CCSER1: variants seen among roughly 807,000 people sequenced by gnomAD.
CCSER1 encodes serine-rich coiled-coil domain-containing protein 1.
Under a neutral mutation model 82.0 loss-of-function variants are expected in CCSER1, and 41 were observed. The ratio of observed to expected loss-of-function variants is 0.50; its 90% CI spans 0.39 to 0.65. The LOEUF (loss-of-function observed/expected upper bound fraction) is 0.65, where lower values mean the gene tolerates loss of function less well. Ranked by LOEUF, CCSER1 falls within the 30% of genes least tolerant of loss-of-function variation. CCSER1 has a pLI of 0.00. For missense variants in CCSER1, 1,119 were observed against 1,064.2 expected (o/e 1.05, Z -0.72); for synonymous variants, 414 against 383.9 (o/e 1.08, Z -0.92).
intron 9 of CCSER1, among the ~76,000 whole-genome samples, chr4:91,009,916 A>G (rs1738865050): frequency 6.6e-6 from 1 of 152,190 alleles, no homozygotes; most frequent in Non-Finnish European, 1.5e-5. Context: ...TACTAAAGAT[A>G]TATATACTAT....
rs563697539 is a variant in CCSER1, at chr4:90,511,065, G to T, written c.1724+42711G>T. Among the ~76,000 whole-genome samples, 13 of 152,314 alleles carry T rather than the reference G, an allele frequency of 8.5e-5. No individual in the cohort carries two copies. In the East Asian group the frequency reaches 2.3e-3, roughly 27 times the overall value. ...AATTGGAAACTGTTAGCAGGAAAGTGTTTCTACCACAAGGGAGTAATCAAC... is the reference window on the plus strand; with the variant it reads ...AATTGGAAACTGTTAGCAGGAAAGTTTTTCTACCACAAGGGAGTAATCAAC... On this transcript the variant is annotated intron_variant, in intron 5 of 10. Transcript: ENST00000509176.
At chr4:91,428,784 T>C (rs1754131098) in intron 10 of CCSER1, among the ~76,000 whole-genome samples, 1 of 152,086 alleles carries the variant, frequency 6.6e-6, no homozygotes, top group Non-Finnish European at 1.5e-5. Flanking sequence ...TTTTGATACA[T>C]TATTGCATTT....
At chr4:90,232,436 C>G (rs1744790614) in intron 1 of CCSER1, among the ~76,000 whole-genome samples, 1 of 152,114 alleles carries the variant, frequency 6.6e-6, no homozygotes, top group Non-Finnish European at 1.5e-5. Flanking sequence ...AAAGCTGAAA[C>G]TGGATCCCTT....
At chr4:91,356,063 C>A (rs889903221) in intron 10 of CCSER1, among the ~76,000 whole-genome samples, 1 of 152,206 alleles carries the variant, frequency 6.6e-6, no homozygotes, top group Non-Finnish European at 1.5e-5. Context: ...TTAGGTTTTG[C>A]CCAAGAGTTA....
intron 1 of CCSER1, among the ~76,000 whole-genome samples, chr4:90,239,219 CT>C (rs1011439477): frequency 1.8e-4 from 28 of 152,176 alleles, no homozygotes; most frequent in African/African-American, 6.7e-4. Flanking sequence ...CACACTTGGA[CT>C]TTAATTAGGA....
chr4:91,350,365 C>CCTG lies in CCSER1; in HGVS notation c.2218-248204_2218-248202dup, dbSNP rs1748391986. ...TTGGTTATTATACTTACCTTAAAAACCTGCTTTTTGGCAAAAATAGAGCTC... is the reference window on the plus strand; with the variant it reads ...TTGGTTATTATACTTACCTTAAAAACCTGCTGCTTTTTGGCAAAAATAGAGCTC... On this transcript the variant is annotated intron_variant, in intron 10 of 10. Coordinates refer to ENST00000509176, the MANE Select transcript of CCSER1 (RefSeq NM_001145065.2). 2.6e-5 allele frequency among the ~76,000 whole-genome samples: 4 copies of CCTG among 152,092 alleles called. No individual in the cohort carries two copies. The South Asian group carries it at 8.3e-4, about 32-fold the overall frequency.
chr4:91,103,361 A>G (rs984613263), intron 10 of CCSER1, among the ~76,000 whole-genome samples: 4 of 152,144 alleles, frequency 2.6e-5, no homozygotes, highest in African/African-American at 9.7e-5. Flanking sequence ...CTTCCCAGTG[A>G]TCACCACATC....
chr4:90,547,270 T>G (rs1245290178), intron 5 of CCSER1, among the ~76,000 whole-genome samples: 1 of 152,024 alleles, frequency 6.6e-6, no homozygotes, highest in Non-Finnish European at 1.5e-5. Context: ...AGAATAGTTG[T>G]GTATTTTATA....
At chr4:91,382,063 G>A (rs181302630) in intron 10 of CCSER1, among the ~76,000 whole-genome samples, 15 of 152,248 alleles carry the variant, frequency 9.9e-5, no homozygotes, top group African/African-American at 2.4e-4. Context: ...GGAGGCTGCC[G>A]AACAGTGGAT....
intron 10 of CCSER1, among the ~76,000 whole-genome samples, chr4:91,189,042 G>A (rs1734797166): frequency 6.6e-6 from 1 of 152,040 alleles, no homozygotes; most frequent in Non-Finnish European, 1.5e-5. Context: ...CTAGGTCTCT[G>A]CAAACCTCCC....
chr4:90,308,667 C>G lies in CCSER1; in HGVS notation c.383C>G (p.Thr128Arg). 1 of 1,613,572 alleles carries G rather than the reference C, an allele frequency of 6.2e-7. No homozygotes were observed. Among genetic ancestry groups the G allele is most frequent in the Non-Finnish European group, 8.5e-7 (1 of 1,179,778 alleles). Residue 128 changes from threonine to arginine, a missense_variant, in exon 2 of 11, where the codon ACA becomes AGA. Transcript: ENST00000509176. ...AGTAGTTCACGAAATAAGAAGATAA[C>G]AAGATCTTTGACAGAGGATTTTGAA... The part of the protein sequence containing the change: ...GFSSSRNKKI[T>R]RSLTEDFERE...
intron 5 of CCSER1, among the ~76,000 whole-genome samples, chr4:90,498,286 C>A (rs972463133): frequency 2.6e-5 from 4 of 151,946 alleles, no homozygotes; most frequent in Admixed American, 2.6e-4. Context: ...TGAATATAGT[C>A]TCTCCCTCTC....
intron 6 of CCSER1, among the ~76,000 whole-genome samples, chr4:90,700,375 A>G (rs1326698605): frequency 1.3e-5 from 2 of 152,084 alleles, no homozygotes; most frequent in African/African-American, 4.8e-5. Context: ...CATTTTCTTA[A>G]TTCAGTCTAT....
chr4:90,894,234 A>C (rs1346964330), intron 8 of CCSER1, among the ~76,000 whole-genome samples: 1 of 152,080 alleles, frequency 6.6e-6, no homozygotes, highest in Non-Finnish European at 1.5e-5. Flanking sequence ...AATACAATTG[A>C]ATACTGCTAG....
intron 4 of CCSER1, among the ~76,000 whole-genome samples, chr4:90,412,341 G>C (rs1477370121): frequency 6.7e-6 from 1 of 149,822 alleles, no homozygotes; most frequent in Non-Finnish European, 1.5e-5. Context: ...GGGAGGGATA[G>C]CATAGGGAGA....
intron 10 of CCSER1, among the ~76,000 whole-genome samples, chr4:91,100,700 C>G (rs1337489978): frequency 6.6e-6 from 1 of 152,090 alleles, no homozygotes; most frequent in Non-Finnish European, 1.5e-5. Context: ...GAAGGCAGTG[C>G]TTAAGGACTA....
chr4:91,322,220 T>G (rs1746245274), intron 10 of CCSER1, among the ~76,000 whole-genome samples: 1 of 152,132 alleles, frequency 6.6e-6, no homozygotes, highest in Non-Finnish European at 1.5e-5. Context: ...ATAAATATTT[T>G]TATATTCTTT....
At chr4:90,860,204 C>T (rs1764914321) in intron 8 of CCSER1, among the ~76,000 whole-genome samples, 2 of 151,632 alleles carry the variant, frequency 1.3e-5, no homozygotes, top group South Asian at 4.1e-4. Context: ...TTTGAATAGA[C>T]ATTTCTCACT....
chr4:90,668,852 CT>C (rs1732276237), intron 6 of CCSER1, among the ~76,000 whole-genome samples: 1 of 152,012 alleles, frequency 6.6e-6, no homozygotes, highest in Non-Finnish European at 1.5e-5. Context: ...GTATAAGAAA[CT>C]TTTAAAATTA....
Sources: gnomAD v4.1 joint callset for allele counts (sites outside exome capture counted in the v4.1 genomes callset) on GRCh38, gnomAD v4.1.1 for gene constraint, MANE v1.5 for transcripts, NCBI Gene and HGNC (gene_info 2026-07-23, HGNC 2026-07-21) for gene names.